The following NAPA variants were observed in gnomAD, a reference collection of about 807,000 sequenced individuals.
NAPA encodes the protein NSF attachment protein alpha.
Under a neutral mutation model 48.0 loss-of-function variants are expected in NAPA, and 18 were observed. That is an observed-to-expected ratio of 0.38 (90% CI 0.26 to 0.56). The LOEUF (loss-of-function observed/expected upper bound fraction) is 0.56, where lower values mean the gene tolerates loss of function less well. Among genes scored for constraint, NAPA ranks in the 20% least tolerant of loss-of-function variants. The probability of loss-of-function intolerance (pLI) is 0.77; values close to 1 mark genes in which losing one functional copy is unlikely to be tolerated. For synonymous variants in NAPA, 152 were observed against 149.9 expected, an observed-to-expected ratio of 1.01 and a Z score of -0.10; for missense variants, 315 against 385.0, an observed-to-expected ratio of 0.82 and a Z score of 1.52.
intron 9 of NAPA, among the ~76,000 whole-genome samples, chr19:47,490,349 G>C (rs1968216495): frequency 6.8e-6 from 1 of 147,332 alleles, no homozygotes; most frequent in Non-Finnish European, 1.5e-5. Flanking sequence ...GGTGTGTGAT[G>C]TGTTTGCTGT....
intron 3 of NAPA, among the ~76,000 whole-genome samples, chr19:47,498,079 C>T (rs773309953): frequency 3.0e-4 from 46 of 152,212 alleles, no homozygotes; most frequent in Non-Finnish European, 5.1e-4. Flanking sequence ...CCACCCTCTG[C>T]GAGAGGGAGA....
chr19:47,500,544 C>A, intron 3 of NAPA, 89 bp downstream of exon 3: 3 of 1,126,746 alleles, frequency 2.7e-6, no homozygotes, highest in Admixed American at 3.0e-5. Flanking sequence ...CTGGAAAAAC[C>A]AGAGCCGCCA....
At chr19:47,486,336 T>C (rs749162554), downstream of NAPA, among the ~76,000 whole-genome samples, 9 of 151,622 alleles carry the variant, frequency 5.9e-5, no homozygotes, top group East Asian at 1.9e-4. Context: ...GCCTGGGCGA[T>C]AGAGCGAGAC....
At chr19:47,497,211 A>C (rs1968450877) in intron 3 of NAPA, 1 of 180,532 alleles carries the variant, frequency 5.5e-6, no homozygotes, top group Non-Finnish European at 1.2e-5. Context: ...TCACTGGTTC[A>C]CTCTCCTGGC....
rs931231097 is a variant in NAPA, at chr19:47,494,355, TCCCTGCAGCACTG to T, written c.343-875_343-863del. On this transcript the variant is annotated intron_variant, in intron 4 of 10. Transcript: ENST00000263354. ...GCTATTATTGTTCTAATCACAGTCATCCCTGCAGCACTGCCCTGAACGCAAGGGGTAGGGCTCG... is the reference window on the plus strand; with the variant it reads ...GCTATTATTGTTCTAATCACAGTCATCCCTGAACGCAAGGGGTAGGGCTCG... Among the ~76,000 whole-genome samples, 12 of 152,212 alleles carry T rather than the reference TCCCTGCAGCACTG, an allele frequency of 7.9e-5. No individual in the cohort carries two copies. In the East Asian group the frequency reaches 2.1e-3, roughly 27 times the overall value.
At chr19:47,492,553 T>TG in intron 7 of NAPA, 1 of 401,930 alleles carries the variant, frequency 2.5e-6, no homozygotes, top group South Asian at 2.1e-5. Context: ...CCGTGCACGC[T>TG]GGGGGGACCC....
intron 2 of NAPA, 95 bp from the exon 3 acceptor site, chr19:47,500,844 G>C: frequency 3.2e-6 from 3 of 938,540 alleles, no homozygotes; most frequent in Middle Eastern, 4.6e-4. Flanking sequence ...TCGGGCTCTC[G>C]AGAATGCGGA....
intron 1 of NAPA, among the ~76,000 whole-genome samples, chr19:47,509,437 T>C (rs910404780): frequency 6.6e-6 from 1 of 152,140 alleles, no homozygotes; most frequent in Non-Finnish European, 1.5e-5. Context: ...CAGCCTGCGT[T>C]TCCTTATGTG....
At chr19:47,495,276 G>A in intron 4 of NAPA, 2 of 509,606 alleles carry the variant, frequency 3.9e-6, no homozygotes, top group Non-Finnish European at 7.0e-6. Flanking sequence ...TTACAGGCAT[G>A]AGCCACCCTG....
At chr19:47,508,111 C>T (rs114726694) in intron 1 of NAPA, among the ~76,000 whole-genome samples, 1,567 of 152,270 alleles carry the variant, frequency 0.01, 21 homozygotes, top group African/African-American at 0.035. Context: ...GCTGGGGCTG[C>T]GTGGAGCATC....
At chr19:47,499,378 C>T (rs1321596741) in intron 3 of NAPA, among the ~76,000 whole-genome samples, 1 of 151,930 alleles carries the variant, frequency 6.6e-6, no homozygotes, top group Non-Finnish European at 1.5e-5. Context: ...TCCCAGGGAG[C>T]AGAAGGAAAG....
chr19:47,509,497 A>G (rs1599919609), intron 1 of NAPA, among the ~76,000 whole-genome samples: 1 of 152,144 alleles, frequency 6.6e-6, no homozygotes. Flanking sequence ...AGCACGAGCA[A>G]TCTTGCAGGC....
chr19:47,507,924 GCCCTTGCCT>G (rs1254327211), intron 1 of NAPA, among the ~76,000 whole-genome samples: 1 of 152,172 alleles, frequency 6.6e-6, no homozygotes, highest in East Asian at 1.9e-4. Context: ...ATCCAGTCCT[GCCCTTGCCT>G]CTCACTCAGT....
At position 47,495,121 on chromosome 19, in the gene NAPA, A is replaced by G. The variant is rs925194613; in HGVS notation, c.342+429T>C. The G allele has an allele frequency of 4.9e-5, 9 of 182,422 alleles. No individual in the cohort carries two copies. In the South Asian group the frequency reaches 5.0e-4, roughly 10 times the overall value. 11.3% of individuals were successfully genotyped at this position (182,422 alleles called of 1,614,324 possible). A position where few individuals can be genotyped will look rare whatever the true frequency, so the allele number is the denominator to read the frequency against. On this transcript the variant is annotated intron_variant, in intron 4 of 10. Coordinates refer to ENST00000263354, the MANE Select transcript of NAPA (RefSeq NM_003827.4). ...GGACTCAAGCGATTTTCCTGCCTCA[A>G]CCTCCCAAGAACTAGGACCCCAGGT...
chr19:47,498,676 C>T (rs373002314), intron 3 of NAPA, among the ~76,000 whole-genome samples: 1 of 152,204 alleles, frequency 6.6e-6, no homozygotes, highest in African/African-American at 2.4e-5. Flanking sequence ...GCCTCAGCCT[C>T]CCAAAGCACT....
intron 10 of NAPA, chr19:47,488,614 CT>C: frequency 7.6e-5 from 25 of 327,586 alleles, no homozygotes; most frequent in Non-Finnish European, 1.0e-4. Context: ...GATATTGTAG[CT>C]TTAAAAAAAA....
intron 7 of NAPA, chr19:47,492,543 C>T: frequency 5.0e-6 from 2 of 396,794 alleles, no homozygotes; most frequent in South Asian, 4.2e-5. Flanking sequence ...ACCCAGGGCT[C>T]CGTGCACGCT....
Position 47,492,033 on chromosome 19 carries a change from G to A in NAPA, c.648C>T (p.Ile216=), listed in dbSNP as rs556839168. 2.5e-6 allele frequency: 4 copies of A among 1,614,058 alleles called. No individual in the cohort carries two copies. Among genetic ancestry groups the A allele is most frequent in the East Asian group, 2.2e-5 (1 of 44,882 alleles). The change falls in exon 8 of 11, where the codon ATC becomes ATT. Residue 216 remains isoleucine (I), a synonymous_variant. Coordinates refer to ENST00000263354, the MANE Select transcript of NAPA (RefSeq NM_003827.4). Reference sequence around the variant, plus strand: ...GTGCTACCTTGGCGTTGAGCATGTCGATGCAGAAGTGGCAGAGGGCCGCCT... The same window carrying A: ...GTGCTACCTTGGCGTTGAGCATGTCAATGCAGAAGTGGCAGAGGGCCGCCT... ...FFKAALCHFC[I]DMLNAKLAVQ...
In NAPA at chr19:47,488,091, C is replaced by T. The variant is rs1353349564; in HGVS notation, c.*197G>A. 9 of 562,816 alleles carry T rather than the reference C, an allele frequency of 1.6e-5. No homozygotes were observed. Among genetic ancestry groups the T allele is most frequent in the East Asian group, 5.9e-5 (2 of 34,050 alleles). The allele number at this position is 562,816 out of a possible 1,614,324, so 34.9% of individuals were successfully genotyped here. A position where few individuals can be genotyped will look rare whatever the true frequency, so the allele number is the denominator to read the frequency against. On this transcript the variant is annotated 3_prime_UTR_variant, in exon 11 of 11. Transcript: ENST00000263354. ...AATGGACAGGGGGCAAGGGATGTAG[C>T]GAGAACAGAGGGTGACTGTCCGGCC...
Sources: gnomAD v4.1 joint callset for allele counts (sites outside exome capture counted in the v4.1 genomes callset) on GRCh38, gnomAD v4.1.1 for gene constraint, MANE v1.5 for transcripts, NCBI Gene and HGNC (gene_info 2026-07-23, HGNC 2026-07-21) for gene names.